Variants in RNF111 observed in about 807,000 individuals in gnomAD.
RNF111 encodes ring finger protein 111, also known as E3 ubiquitin-protein ligase Arkadia.
Under a neutral mutation model 95.1 loss-of-function variants are expected in RNF111, and 17 were observed. The observed-to-expected ratio is 0.18, with a 90% CI of 0.12 to 0.27. RNF111 has a LOEUF of 0.27. Ranked by LOEUF, RNF111 falls within the 10% of genes least tolerant of loss-of-function variation. RNF111 has a pLI of 1.00. For synonymous variants in RNF111, 440 were observed against 414.8 expected (o/e 1.06, Z -0.74); for missense variants, 1,189 against 1,210.4 (o/e 0.98, Z 0.26).
chr15:59,026,343 G>T (rs1411130679), intron 1 of RNF111, among the ~76,000 whole-genome samples: 3 of 151,732 alleles, frequency 2.0e-5, no homozygotes, highest in African/African-American at 7.3e-5. Context: ...ACTAATAGTG[G>T]TGTATTCTAC....
chr15:59,079,713 G>A (rs2078680564), intron 7 of RNF111, among the ~76,000 whole-genome samples: 1 of 151,030 alleles, frequency 6.6e-6, no homozygotes, highest in Non-Finnish European at 1.5e-5. Flanking sequence ...AGGAAGATGT[G>A]TATTCCTCAG....
In RNF111 at chr15:59,058,405, T is replaced by C. The variant is rs758671490; in HGVS notation, c.1221T>C (p.Thr407=). Residue 407 remains threonine, a synonymous_variant, in exon 5 of 14, where the codon ACT becomes ACC. Transcript: ENST00000348370. ...TTSARMESQA[T]SASINNSNPS... ...CTGCAAGAATGGAATCACAAGCTAC[T>C]AGCGCTTCCATTAACAATTCAAATC... The C allele has an allele frequency of 1.2e-6, 2 of 1,614,010 alleles. No homozygotes were observed. The highest frequency in any genetic ancestry group is 1.7e-6 in the Non-Finnish European group (2 of 1,179,974).
At chr15:59,055,303 A>C (rs913248117) in intron 3 of RNF111, among the ~76,000 whole-genome samples, 1 of 152,224 alleles carries the variant, frequency 6.6e-6, no homozygotes, top group South Asian at 2.1e-4. Flanking sequence ...CTAAACATAC[A>C]AGACCTTGTG....
chr15:59,015,890 C>A (rs1053840711), intron 1 of RNF111, among the ~76,000 whole-genome samples: 2 of 152,010 alleles, frequency 1.3e-5, no homozygotes, highest in East Asian at 3.8e-4. Flanking sequence ...CAGGTTCTCA[C>A]GCCCAGGTTG....
chr15:59,006,533 A>C (rs2039546329), intron 1 of RNF111, among the ~76,000 whole-genome samples: 2 of 152,214 alleles, frequency 1.3e-5, no homozygotes, highest in Admixed American at 1.3e-4. Flanking sequence ...GCAAACAGAA[A>C]AGATGAAAGA....
chr15:59,005,074 C>CCA (rs2039479184), intron 1 of RNF111, among the ~76,000 whole-genome samples: 1 of 152,192 alleles, frequency 6.6e-6, no homozygotes, highest in South Asian at 2.1e-4. Flanking sequence ...GGCTTGATGT[C>CCA]TATCTAGAGG....
At chr15:59,026,323 T>G (rs1378876769) in intron 1 of RNF111, among the ~76,000 whole-genome samples, 1 of 152,148 alleles carries the variant, frequency 6.6e-6, no homozygotes, top group East Asian at 1.9e-4. Context: ...ATTTTCTTAG[T>G]GCAAGGTTTA....
At chr15:58,994,254 G>A (rs1343779848) in intron 1 of RNF111, among the ~76,000 whole-genome samples, 3 of 151,512 alleles carry the variant, frequency 2.0e-5, no homozygotes, top group African/African-American at 7.3e-5. Flanking sequence ...GGCCAGGCTG[G>A]TCTCGAACTC....
chr15:59,050,826 C>A (rs1330276999), intron 2 of RNF111, among the ~76,000 whole-genome samples: 1 of 152,132 alleles, frequency 6.6e-6, no homozygotes, highest in Non-Finnish European at 1.5e-5. Flanking sequence ...ACATACAATA[C>A]GTTATTGCTA....
intron 4 of RNF111, 33 bp from the exon 5 acceptor site, chr15:59,058,323 T>C (rs370810672): frequency 4.3e-5 from 68 of 1,570,378 alleles, no homozygotes; most frequent in Non-Finnish European, 4.4e-6. Context: ...TAATTTGTTT[T>C]GAAATGCTAA....
Position 59,066,746 on chromosome 15 carries a change from A to G in RNF111, c.1367-18A>G. ...ATTTCATGATTTGATTATTCTGTGC[A>G]TTTTTTTCTGTTTCAAGATGACTCA... On this transcript the variant is annotated intron_variant, in intron 5 of 13. Coordinates refer to ENST00000348370, the MANE Select transcript of RNF111 (RefSeq NM_017610.8). The G allele has an allele frequency of 6.3e-7, 1 of 1,598,114 alleles. No homozygotes were observed. The highest frequency in any genetic ancestry group is 8.6e-7 in the Non-Finnish European group (1 of 1,168,192).
intron 2 of RNF111, chr15:59,049,745 C>CTAT (rs2041887847): frequency 1.9e-5 from 2 of 104,622 alleles, no homozygotes; most frequent in Non-Finnish European, 3.8e-5. Flanking sequence ...TTCTTTCTTT[C>CTAT]TTTTTTTTTT....
chr15:59,048,761 A>C (rs1421349319), intron 2 of RNF111, among the ~76,000 whole-genome samples: 1 of 152,120 alleles, frequency 6.6e-6, no homozygotes, highest in East Asian at 1.9e-4. Flanking sequence ...CATTTTAACT[A>C]TTTTTAAGCT....
At chr15:59,043,356 C>T (rs1248279079) in intron 2 of RNF111, among the ~76,000 whole-genome samples, 1 of 151,992 alleles carries the variant, frequency 6.6e-6, no homozygotes, top group Non-Finnish European at 1.5e-5. Context: ...GGGTTTTCAC[C>T]ATGTTGGCCA....
intron 1 of RNF111, among the ~76,000 whole-genome samples, chr15:59,020,130 T>C (rs967016638): frequency 6.7e-6 from 1 of 148,504 alleles, no homozygotes; most frequent in Admixed American, 6.8e-5. Context: ...ATAAAATACA[T>C]ATTTTATATA....
At chr15:59,021,208 T>C (rs1265512496) in intron 1 of RNF111, among the ~76,000 whole-genome samples, 1 of 152,198 alleles carries the variant, frequency 6.6e-6, no homozygotes, top group East Asian at 1.9e-4. Context: ...TGGAGTGCAG[T>C]GATGCGATCT....
rs550207593 is a variant in RNF111 at position 59,036,111 on chromosome 15, G to A, written c.880+4409G>A. The stretch of plus-strand genomic sequence containing the variant: ...TTTTTTTGAGACAGTCTTACTCTGT[G>A]GCCCAGGCTGCTGGAGTGCAGTGGT... On this transcript the variant is annotated intron_variant, in intron 2 of 13. Coordinates refer to ENST00000348370, the MANE Select transcript of RNF111 (RefSeq NM_017610.8). 9.2e-5 allele frequency among the ~76,000 whole-genome samples: 14 copies of A among 152,108 alleles called. No homozygotes were observed. The East Asian group carries it at 2.7e-3, about 29-fold the overall frequency.
intron 2 of RNF111, chr15:59,049,508 GTACC>G (rs1391806328): frequency 5.6e-5 from 11 of 198,110 alleles, no homozygotes; most frequent in Admixed American, 5.5e-4. Context: ...TTGTACCTAG[GTACC>G]TTTCTCTTTG....
intron 1 of RNF111, among the ~76,000 whole-genome samples, chr15:58,991,504 GTGCCATGAGGAAAATAGGACCA>G (rs1368046237): frequency 6.6e-6 from 1 of 152,182 alleles, no homozygotes; most frequent in Non-Finnish European, 1.5e-5. Context: ...GTAGTGGTAA[GTGCCATGAGGAAAATAGGACCA>G]TGTGATACGG....
Sources: gnomAD v4.1 joint callset for allele counts (sites outside exome capture counted in the v4.1 genomes callset) on GRCh38, gnomAD v4.1.1 for gene constraint, MANE v1.5 for transcripts, NCBI Gene and HGNC (gene_info 2026-07-23, HGNC 2026-07-21) for gene names.